Variants in SLC35A3 observed in about 807,000 individuals in gnomAD.
SLC35A3 encodes the protein UDP-N-acetylglucosamine transporter.
In SLC35A3, 26 loss-of-function variants were observed where a neutral mutation model predicts 39.0. The ratio of observed to expected loss-of-function variants is 0.67; its 90% CI spans 0.49 to 0.92. The LOEUF (loss-of-function observed/expected upper bound fraction) is 0.92, where lower values mean the gene tolerates loss of function less well. SLC35A3 is among the 40% of genes least tolerant of loss of function. The probability of loss-of-function intolerance (pLI) is 0.00; values close to 1 mark genes in which losing one functional copy is unlikely to be tolerated. For missense variants in SLC35A3, 299 were observed against 371.6 expected, an observed-to-expected ratio of 0.80 and a Z score of 1.61; for synonymous variants, 135 against 133.1, an observed-to-expected ratio of 1.01 and a Z score of -0.10.
chr1:100,001,108 T>A (rs1658759707), intron 3 of SLC35A3, among the ~76,000 whole-genome samples: 1 of 152,202 alleles, frequency 6.6e-6, no homozygotes, highest in Non-Finnish European at 1.5e-5. Context: ...TTGGTTACTA[T>A]AGCCTTGTAG....
rs1660701841 is a variant in SLC35A3 at position 100,023,690 on chromosome 1, A to T, written c.*1214A>T. 1 of 152,266 alleles carries T rather than the reference A, an allele frequency of 6.6e-6. No homozygotes were observed. 9.4% of individuals were successfully genotyped at this position (152,266 alleles called of 1,614,324 possible). On this transcript the variant is annotated 3_prime_UTR_variant, in exon 8 of 8. Transcript: ENST00000533028. Reference sequence around the variant, plus strand: ...GAGTGGGAGAGGTAGCCAAATTTTGAATTCCCTTTCTGTGTTCCCACAAGA... The same window carrying T: ...GAGTGGGAGAGGTAGCCAAATTTTGTATTCCCTTTCTGTGTTCCCACAAGA...
chr1:100,006,922 T>G (rs1355776002), intron 3 of SLC35A3, 112 bp from the exon 4 acceptor site: 5 of 1,261,424 alleles, frequency 4.0e-6, no homozygotes. Context: ...CCCAGCCAGA[T>G]GCAACCACCA....
intron 4 of SLC35A3, chr1:100,008,831 A>C (rs1330998214): frequency 6.6e-6 from 1 of 152,158 alleles, no homozygotes; most frequent in Admixed American, 6.5e-5. Flanking sequence ...ATTATAGTTA[A>C]ATGCTCATTT....
chr1:99,985,851 T>G (rs1657714093), intron 1 of SLC35A3, among the ~76,000 whole-genome samples: 3 of 152,230 alleles, frequency 2.0e-5, no homozygotes, highest in African/African-American at 7.2e-5. Context: ...GGGGTTGAGT[T>G]CTTTATTTGA....
chr1:99,972,896 G>T (rs1009617716), intron 1 of SLC35A3, among the ~76,000 whole-genome samples: 4 of 152,190 alleles, frequency 2.6e-5, no homozygotes, highest in African/African-American at 9.6e-5. Context: ...CTATTTTATA[G>T]ATAAGAATAT....
intron 5 of SLC35A3, 45 bp downstream of exon 5, chr1:100,011,578 T>C (rs202207945): frequency 1.8e-4 from 130 of 728,870 alleles, no homozygotes; most frequent in Admixed American, 3.9e-4. Context: ...AATGATTATA[T>C]TGTTATATTT....
chr1:100,016,365 G>A (rs527717750), intron 6 of SLC35A3, among the ~76,000 whole-genome samples: 2 of 146,562 alleles, frequency 1.4e-5, no homozygotes, highest in East Asian at 4.0e-4. Context: ...CGCCCGGCCC[G>A]GATACTTCTA....
intron 3 of SLC35A3, among the ~76,000 whole-genome samples, chr1:99,999,689 C>T (rs1658633847): frequency 6.6e-6 from 1 of 152,076 alleles, no homozygotes; most frequent in Admixed American, 6.6e-5. Flanking sequence ...TATTCCTTCT[C>T]TCTAACTCAA....
chr1:99,993,743 T>C lies in SLC35A3; in HGVS notation c.187+2T>C. 6.2e-7 allele frequency: 1 copy of C among 1,610,520 alleles called. No homozygotes were observed. Among genetic ancestry groups the C allele is most frequent in the Non-Finnish European group, 8.5e-7 (1 of 1,179,022 alleles). On this transcript the variant is annotated splice_donor_variant, in intron 2 of 7. Coordinates refer to ENST00000533028, the MANE Select transcript of SLC35A3 (RefSeq NM_012243.3). LOFTEE classifies it high-confidence loss of function. ...TTTTATTGGTCTACAAAGACAGCAG[T>C]AGGTATCTAGGTTTTTTGTTTTTAA...
At chr1:100,016,466 T>C (rs1660131577) in intron 6 of SLC35A3, among the ~76,000 whole-genome samples, 3 of 148,086 alleles carry the variant, frequency 2.0e-5, no homozygotes, top group South Asian at 2.1e-4. Flanking sequence ...CTCCGCCTCC[T>C]GGGTTCACGC....
chr1:99,996,871 T>A (rs1011823680), intron 2 of SLC35A3, among the ~76,000 whole-genome samples: 5 of 152,108 alleles, frequency 3.3e-5, no homozygotes, highest in Admixed American at 1.3e-4. Context: ...AAGTTTTTTT[T>A]ATTTCAAAAA....
Position 100,025,304 on chromosome 1 carries a change from T to A in SLC35A3, c.*2828T>A, listed in dbSNP as rs1660848906. The A allele has an allele frequency of 6.6e-6, 1 of 152,242 alleles. No homozygotes were observed. The highest frequency in any genetic ancestry group is 1.5e-5 in the Non-Finnish European group (1 of 68,040). The allele number at this position is 152,242 out of a possible 1,614,324, so 9.4% of individuals were successfully genotyped here. A position where few individuals can be genotyped will look rare whatever the true frequency, so the allele number is the denominator to read the frequency against. ...GTTGGTTACTTATGTATTAATGCAG[T>A]GTGCATTCACATTTAATCAGGTTTA... is the stretch of plus-strand genomic sequence containing the variant. On this transcript the variant is annotated 3_prime_UTR_variant, in exon 8 of 8. Coordinates refer to ENST00000533028, the MANE Select transcript of SLC35A3 (RefSeq NM_012243.3).
chr1:99,982,374 G>T (rs1490078797), intron 1 of SLC35A3, among the ~76,000 whole-genome samples: 1 of 152,068 alleles, frequency 6.6e-6, no homozygotes, highest in Non-Finnish European at 1.5e-5. Context: ...ACTTGGTGTA[G>T]ATCTGTAATG....
At chr1:99,988,837 C>T (rs1657908051) in intron 1 of SLC35A3, among the ~76,000 whole-genome samples, 1 of 151,876 alleles carries the variant, frequency 6.6e-6, no homozygotes, top group Non-Finnish European at 1.5e-5. Flanking sequence ...TCAATTGTAG[C>T]TCACTATAAC....
At chr1:99,970,721 T>TTTA in intron 1 of SLC35A3, 1 of 946,332 alleles carries the variant, frequency 1.1e-6, no homozygotes, top group Non-Finnish European at 1.6e-6. Flanking sequence ...GGTGCATTGC[T>TTTA]TTATAGTAAA....
rs1660926339 is a variant in SLC35A3 at position 100,026,628 on chromosome 1, T to TG, written c.*4153dup. On this transcript the variant is annotated 3_prime_UTR_variant, in exon 8 of 8. Coordinates refer to ENST00000533028, the MANE Select transcript of SLC35A3 (RefSeq NM_012243.3). ...TTGTGAACAGTACTTAAATAAATTGTGATACTATTGCTCCATCATTGAACT... is the reference window on the plus strand; with the variant it reads ...TTGTGAACAGTACTTAAATAAATTGTGGATACTATTGCTCCATCATTGAACT... The TG allele has an allele frequency of 6.6e-6, 1 of 152,252 alleles. No individual in the cohort carries two copies. 9.4% of individuals were successfully genotyped at this position (152,252 alleles called of 1,614,324 possible). A position where few individuals can be genotyped will look rare whatever the true frequency, so the allele number is the denominator to read the frequency against.
At chr1:100,017,883 G>T in intron 7 of SLC35A3, 68 bp downstream of exon 7, 1 of 908,838 alleles carries the variant, frequency 1.1e-6, no homozygotes, top group South Asian at 2.2e-5. Flanking sequence ...TCTTTGTAAG[G>T]TGATCTGATA....
rs1283903734 is a variant in SLC35A3 at position 100,026,091 on chromosome 1, A to G, written c.*3615A>G. 1 of 152,188 alleles carries G rather than the reference A, an allele frequency of 6.6e-6. No homozygotes were observed. Among genetic ancestry groups the G allele is most frequent in the East Asian group, 1.9e-4 (1 of 5,202 alleles). 9.4% of individuals were successfully genotyped at this position (152,188 alleles called of 1,614,324 possible). ...GAAGGAAAGGTAGCTTGATATTTAG[A>G]TTCTAAGATATAATCTGAAAGGAAA... is the stretch of plus-strand genomic sequence containing the variant. On this transcript the variant is annotated 3_prime_UTR_variant, in exon 8 of 8. Transcript: ENST00000533028.
At chr1:100,015,993 G>A (rs577056888) in intron 6 of SLC35A3, among the ~76,000 whole-genome samples, 3 of 151,848 alleles carry the variant, frequency 2.0e-5, no homozygotes, top group African/African-American at 4.8e-5. Context: ...AGCCTAGGAA[G>A]CAAGGCTCCA....
Sources: allele counts gnomAD v4.1 joint callset (sites outside exome capture counted in the v4.1 genomes callset), GRCh38; gene constraint gnomAD v4.1.1; transcripts MANE v1.5; gene names NCBI Gene and HGNC (gene_info 2026-07-23, HGNC 2026-07-21).